POU5F1B: variants seen among roughly 807,000 people sequenced by gnomAD.
The protein encoded by POU5F1B is POU class 5 homeobox 1B.
Under a neutral mutation model 28.1 loss-of-function variants are expected in POU5F1B, and 24 were observed. That is an observed-to-expected ratio of 0.85 (90% CI 0.62 to 1.20). POU5F1B has a LOEUF of 1.20. Among genes scored for constraint, POU5F1B ranks in the 50% most tolerant of loss-of-function variants. POU5F1B has a pLI of 0.00. For missense variants in POU5F1B, 451 were observed against 451.5 expected, an observed-to-expected ratio of 1.00 and a Z score of 0.01; for synonymous variants, 220 against 193.2, an observed-to-expected ratio of 1.14 and a Z score of -1.15.
chr8:127,416,356 C>G (rs757047532), exon 3 of POU5F1B: 1 of 1,611,454 alleles, frequency 6.2e-7, no homozygotes, highest in Non-Finnish European at 8.5e-7. Context: ...GGGATATACA[C>G]AGGCCGATGT....
chr8:127,416,118 A>G (rs1164492046), exon 3 of POU5F1B: 8 of 1,613,466 alleles, frequency 5.0e-6, no homozygotes, highest in African/African-American at 1.3e-5. Context: ...GAGTGGGGCT[A>G]GTGCCCCAAG....
intron 1 of POU5F1B, among the ~76,000 whole-genome samples, chr8:127,413,631 T>G (rs1162515071): frequency 6.6e-6 from 1 of 152,208 alleles, no homozygotes; most frequent in Non-Finnish European, 1.5e-5. Context: ...GAAACCACAA[T>G]GCCATTGTCT....
chr8:127,416,986 G>C, exon 3 of POU5F1B: 1 of 1,578,248 alleles, frequency 6.3e-7, no homozygotes, highest in Non-Finnish European at 8.6e-7. Flanking sequence ...GGGGAGGGGA[G>C]GAGCTAGGGA....
exon 3 of POU5F1B, chr8:127,415,782 A>G: frequency 6.9e-7 from 1 of 1,448,994 alleles, no homozygotes; most frequent in South Asian, 1.5e-5. Context: ...TGACACACAC[A>G]GCCATACGGT....
At chr8:127,416,805 G>GGCCCCAGGGCCCCATTTTGGT (rs1358368855) in exon 3 of POU5F1B, 2 of 1,604,874 alleles carry the variant, frequency 1.2e-6, no homozygotes, top group African/African-American at 1.3e-5. Flanking sequence ...CCTTTCCTCC[G>GGCCCCAGGGCCCCATTTTGGT]GCCCCAGGGC....
chr8:127,416,188 A>T, exon 3 of POU5F1B: 2 of 1,613,850 alleles, frequency 1.2e-6, no homozygotes, highest in Non-Finnish European at 1.7e-6. Context: ...GAGCAACTCC[A>T]ATGGGGCCTC....
chr8:127,414,296 C>A (rs1215072253), intron 1 of POU5F1B, among the ~76,000 whole-genome samples: 1 of 152,144 alleles, frequency 6.6e-6, no homozygotes, highest in Admixed American at 6.5e-5. Flanking sequence ...GAGAAACTGG[C>A]AGCATGGCAT....
chr8:127,416,037 G>A (rs754238636), exon 3 of POU5F1B: 8 of 1,606,150 alleles, frequency 5.0e-6, no homozygotes, highest in Non-Finnish European at 8.5e-7. Context: ...GCTCTGAGGT[G>A]TGGGGGATTC....
chr8:127,417,087 G>A (rs1268529530), exon 3 of POU5F1B: 5 of 1,222,478 alleles, frequency 4.1e-6, no homozygotes, highest in African/African-American at 3.0e-5. Flanking sequence ...GGGGGCAGGG[G>A]AGTTTGGGGC....
chr8:127,417,021 G>C (rs1211375726), exon 3 of POU5F1B: 16 of 1,550,986 alleles, frequency 1.0e-5, no homozygotes, highest in Non-Finnish European at 1.3e-5. Context: ...TTTGTGGCAG[G>C]GCTTTTGGGA....
rs756376197 is a variant in POU5F1B at position 127,415,859 on chromosome 8, C to T, written c.-8C>T. 1.3e-6 allele frequency: 2 copies of T among 1,514,690 alleles called. No homozygotes were observed. The highest frequency in any genetic ancestry group is 1.8e-6 in the Non-Finnish European group (2 of 1,132,028). The allele number at this position is 1,514,690 out of a possible 1,614,324, so 93.8% of individuals were successfully genotyped here. A position where few individuals can be genotyped will look rare whatever the true frequency, so the allele number is the denominator to read the frequency against. On this transcript the variant is annotated 5_prime_UTR_variant, in exon 3 of 3. Transcript: ENST00000465342. ...CCAGGCCCCCGGCTTGGGGCGCCTT[C>T]CTTCCCCATGGCGGGACACCTGGCT...
chr8:127,415,692 A>T, exon 3 of POU5F1B: 1 of 1,041,900 alleles, frequency 9.6e-7, no homozygotes, highest in Non-Finnish European at 1.3e-6. Context: ...ATTTAAAGAG[A>T]TTACTTTTGA....
exon 3 of POU5F1B, chr8:127,415,933 T>G (rs2130626099): frequency 6.4e-7 from 1 of 1,557,986 alleles, no homozygotes; most frequent in Non-Finnish European, 8.7e-7. Context: ...TGATGGGCCA[T>G]GGGGGGCGGA....
At chr8:127,416,480 A>C (rs1171558442) in exon 3 of POU5F1B, 1 of 1,610,042 alleles carries the variant, frequency 6.2e-7, no homozygotes, top group Non-Finnish European at 8.5e-7. Flanking sequence ...CCCTTGCTGC[A>C]GAAGTGGGTG....
chr8:127,416,739 T>C (rs1244177211), exon 3 of POU5F1B: 1 of 1,609,592 alleles, frequency 6.2e-7, no homozygotes, highest in Non-Finnish European at 8.5e-7. Flanking sequence ...GCAGCGACTA[T>C]GCACAACGAG....
exon 3 of POU5F1B, chr8:127,415,819 T>C (rs765089745): frequency 6.1e-6 from 9 of 1,473,302 alleles, no homozygotes; most frequent in African/African-American, 1.4e-5. Flanking sequence ...AAAAGTAACA[T>C]AATTGCTCAT....
chr8:127,413,886 C>T (rs941920849), intron 1 of POU5F1B, among the ~76,000 whole-genome samples: 16 of 139,848 alleles, frequency 1.1e-4, no homozygotes, highest in African/African-American at 3.5e-4. Context: ...ACACAACACC[C>T]GATATAATAC....
intron 1 of POU5F1B, chr8:127,414,823 T>A (rs1271895897): frequency 2.0e-5 from 3 of 152,204 alleles, no homozygotes; most frequent in Admixed American, 2.0e-4. Flanking sequence ...CAAGTAAAAG[T>A]GTGCGATTTC....
At chr8:127,415,715 ACATT>A (rs1815120541) in exon 3 of POU5F1B, 14 of 1,273,854 alleles carry the variant, frequency 1.1e-5, no homozygotes, top group Non-Finnish European at 1.5e-5. Context: ...AGTTCCTAAC[ACATT>A]CAGTCAACAT....
Sources: gnomAD v4.1 joint callset for allele counts (sites outside exome capture counted in the v4.1 genomes callset) on GRCh38, gnomAD v4.1.1 for gene constraint, MANE v1.5 for transcripts, NCBI Gene and HGNC (gene_info 2026-07-23, HGNC 2026-07-21) for gene names.